SPTBN2: variants seen among roughly 807,000 people sequenced by gnomAD.
The protein encoded by SPTBN2 is spectrin beta, non-erythrocytic 2, also known as spectrin beta chain, non-erythrocytic 2.
SPTBN2 carries 107 observed loss-of-function variants against 284.2 expected under a neutral mutation model. The observed-to-expected ratio is 0.38, with a 90% confidence interval of 0.32 to 0.44. The LOEUF is 0.44. Ranked by LOEUF, SPTBN2 falls within the 20% of genes least tolerant of loss-of-function variation. The pLI, the probability that SPTBN2 is intolerant of heterozygous loss-of-function variation, is 1.00. For synonymous variants in SPTBN2, 1,289 were observed against 1,354.8 expected, an observed-to-expected ratio of 0.95 and a Z score of 1.07; for missense variants, 2,569 against 3,287.1, an observed-to-expected ratio of 0.78 and a Z score of 5.34.
At chr11:66,705,552 CCTGGCTTTAGCT>C in intron 14 of SPTBN2, 84 bp from the exon 15 acceptor site, 1 of 1,605,978 alleles carries the variant, frequency 6.2e-7, no homozygotes, top group Non-Finnish European at 8.5e-7. Context: ...GACTTCCCTC[CCTGGCTTTAGCT>C]CAGTCACCAT....
intron 17 of SPTBN2, 43 bp from the exon 18 acceptor site, chr11:66,699,651 AT>A: frequency 6.2e-7 from 1 of 1,607,890 alleles, no homozygotes; most frequent in South Asian, 1.1e-5. Flanking sequence ...CCCCAGCACA[AT>A]TCACCCCCCT....
rs1201853659 is a variant in SPTBN2 at position 66,705,286 on chromosome 11, G to A, written c.1990C>T (p.Leu664=). 1 of 1,600,842 alleles carries A rather than the reference G, an allele frequency of 6.2e-7. No individual in the cohort carries two copies. The highest frequency in any genetic ancestry group is 8.5e-7 in the Non-Finnish European group (1 of 1,177,838). The change falls in exon 15 of 38, where the codon CTG becomes TTG. Residue 664 remains leucine (L), a synonymous_variant. Coordinates refer to ENST00000533211, the MANE Select transcript of SPTBN2 (RefSeq NM_006946.4). ...EAWVREQQHL[L]ASADTGRDLT... is the part of the protein sequence containing the mutation. ...TCTCGGCCCGTGTCGGCTGAGGCCAGGAGGTGCTGCTGCTCCCGCACCCAG... is the reference window on the plus strand; with the variant it reads ...TCTCGGCCCGTGTCGGCTGAGGCCAAGAGGTGCTGCTGCTCCCGCACCCAG...
rs558713638 is a variant in SPTBN2, at chr11:66,694,253, C to T, written c.4389G>A (p.Ser1463=). The change falls in exon 22 of 38, where the codon TCG becomes TCA. Residue 1463 remains serine (S), a synonymous_variant. Transcript: ENST00000533211. ...CCCTGAACTTCTCCTCCACGGCCCT[C>T]GAGGTTCTCTCCACCTCCCCTGCAC... ...DQGAGEVERT[S]RAVEEKFRAL... is the part of the protein sequence containing the mutation. The T allele has an allele frequency of 6.2e-6, 10 of 1,614,190 alleles. No individual in the cohort carries two copies. Among genetic ancestry groups the T allele is most frequent in the Admixed American group, 3.3e-5 (2 of 60,032 alleles).
At chr11:66,722,766 G>A (rs183799325) in intron 1 of SPTBN2, among the ~76,000 whole-genome samples, 7 of 151,366 alleles carry the variant, frequency 4.6e-5, no homozygotes, top group African/African-American at 1.2e-4. Flanking sequence ...GGTAGCACAC[G>A]ACTGTAGTCC....
rs1940031964 is a variant in SPTBN2, at chr11:66,685,257, G to A, written c.*614C>T. ...AAGACACCCAGAGGCGGTGAGAGAAGCTGAGCTGTTTAATCACCTCCTTGG... is the reference window on the plus strand; with the variant it reads ...AAGACACCCAGAGGCGGTGAGAGAAACTGAGCTGTTTAATCACCTCCTTGG... On this transcript the variant is annotated 3_prime_UTR_variant, in exon 38 of 38. Coordinates refer to ENST00000533211, the MANE Select transcript of SPTBN2 (RefSeq NM_006946.4). This position sits in a 1 kb window ranked among gnomAD's most constrained non-coding sequence, Gnocchi z 4.4. The A allele has an allele frequency of 6.3e-6, 1 of 158,354 alleles. No homozygotes were observed. The highest frequency in any genetic ancestry group is 1.4e-5 in the Non-Finnish European group (1 of 71,738). The allele number at this position is 158,354 out of a possible 1,614,324, so 9.8% of individuals were successfully genotyped here.
rs1252382879 is a variant in SPTBN2 at position 66,690,042 on chromosome 11, G to T, written c.5807C>A (p.Pro1936His). The T allele has an allele frequency of 6.2e-7, 1 of 1,614,100 alleles. No homozygotes were observed. Among genetic ancestry groups the T allele is most frequent in the Non-Finnish European group, 8.5e-7 (1 of 1,180,042 alleles). The change falls in exon 28 of 38, where the codon CCC (proline) becomes CAC (histidine). Residue 1936 changes from proline (P) to histidine (H), a missense_variant. By Grantham distance (77) the Pro-to-His change is moderately conservative (BLOSUM62 -2). This residue lies in a region of SPTBN2 where 1,130 missense variants were observed against 1,317.3 expected (regional missense o/e 0.86). Coordinates refer to ENST00000533211, the MANE Select transcript of SPTBN2 (RefSeq NM_006946.4). ...VNLQMDAQER[P>H]RDVSSADLVI... Reference sequence around the variant, plus strand: ...CCCTGAGCCCTGGGATTCTCACCGGGGACGCTCCTGGGCATCCATCTGCAG... The same window carrying T: ...CCCTGAGCCCTGGGATTCTCACCGGTGACGCTCCTGGGCATCCATCTGCAG...
chr11:66,724,379 C>T (rs1942538899), intron 1 of SPTBN2, among the ~76,000 whole-genome samples: 1 of 151,842 alleles, frequency 6.6e-6, no homozygotes, highest in African/African-American at 2.4e-5. Flanking sequence ...GCCAAGATTG[C>T]GCCATTGCAC....
chr11:66,707,902 T>C lies in SPTBN2; in HGVS notation c.1351-84A>G. The C allele has an allele frequency of 6.5e-7, 1 of 1,542,940 alleles. No homozygotes were observed. Among genetic ancestry groups the C allele is most frequent in the Non-Finnish European group, 8.8e-7 (1 of 1,139,834 alleles). On this transcript the variant is annotated intron_variant, in intron 12 of 37. Transcript: ENST00000533211. The surrounding 1 kb of genome is among the most constrained non-coding windows in gnomAD (Gnocchi z 4.9). ...CCTCTGTCCTGCAGGGCACTTGGCC[T>C]GCAAGATCCCAGCTCCATGCGGTGG...
At position 66,708,911 on chromosome 11, in the gene SPTBN2, G is replaced by T. The variant is rs949462928; in HGVS notation, c.1182C>A (p.Asp394Glu). The part of the protein sequence containing the change: ...YTPREGRLIS[D>E]INKAWERLEK... ...GTGGGCAGCCACGGACCTTGTTGAT[G>T]TCCGAGATGAGCCGGCCCTCGCGGG... Residue 394 changes from aspartate (D) to glutamate (E), a missense_variant, in exon 11 of 38, where the codon GAC becomes GAA. By Grantham distance (45) the Asp-to-Glu change is conservative. Around this residue, in one of 6 missense-constraint regions of SPTBN2, gnomAD observed 304 missense variants for 522.1 expected, o/e 0.58. Transcript: ENST00000533211. This position sits in a 1 kb window ranked among gnomAD's most constrained non-coding sequence, Gnocchi z 4.4. 1 of 1,613,978 alleles carries T rather than the reference G, an allele frequency of 6.2e-7. No individual in the cohort carries two copies. Among genetic ancestry groups the T allele is most frequent in the Admixed American group, 1.7e-5 (1 of 60,030 alleles).
chr11:66,717,008 C>A (rs982592086), intron 3 of SPTBN2, among the ~76,000 whole-genome samples: 1 of 152,112 alleles, frequency 6.6e-6, no homozygotes, highest in South Asian at 2.1e-4. Flanking sequence ...GGGTTGGGGA[C>A]AGTACATTCA....
upstream of SPTBN2, among the ~76,000 whole-genome samples, chr11:66,732,511 G>T (rs918772815): frequency 1.3e-5 from 2 of 152,028 alleles, no homozygotes; most frequent in African/African-American, 4.8e-5. Flanking sequence ...TTAGCTGGGC[G>T]TGGTGGCATG....
rs1046622521 is a variant in SPTBN2, at chr11:66,715,424, G to C, written c.310-29C>G. On this transcript the variant is annotated intron_variant, in intron 4 of 37. Coordinates refer to ENST00000533211, the MANE Select transcript of SPTBN2 (RefSeq NM_006946.4). The surrounding 1 kb of genome is among the most constrained non-coding windows in gnomAD (Gnocchi z 5.3). ...TGGAGGGACGGGGGCAAAATGGCAC[G>C]GGACTGTGGGCTTCCACCTTCTTCC... 1 of 1,592,412 alleles carries C rather than the reference G, an allele frequency of 6.3e-7. No homozygotes were observed. The highest frequency in any genetic ancestry group is 1.3e-5 in the African/African-American group (1 of 74,484).
At position 66,704,851 on chromosome 11, in the gene SPTBN2, G is replaced by A. The variant is rs1941440334; in HGVS notation, c.2425C>T (p.Gln809Ter). ...HRPTLDALREQAAALPPTLSR... is the reference protein window; with the variant it reads ...HRPTLDALRE The stretch of plus-strand genomic sequence containing the variant: ...AGTGTGGGGGGCAGGGCTGCTGCCT[G>A]TTCCCTCAAGGCGTCCAGGGTTGGC... The change falls in exon 15 of 38, where the codon CAG becomes TAG. Residue 809 changes from glutamine (Q) to a stop codon, truncating the protein, a stop_gained. Coordinates refer to ENST00000533211, the MANE Select transcript of SPTBN2 (RefSeq NM_006946.4). LOFTEE classifies it high-confidence loss of function. 1 of 1,609,402 alleles carries A rather than the reference G, an allele frequency of 6.2e-7. No individual in the cohort carries two copies. Among genetic ancestry groups the A allele is most frequent in the Non-Finnish European group, 8.5e-7 (1 of 1,179,854 alleles).
chr11:66,692,669 C>T lies in SPTBN2; in HGVS notation c.5057G>A (p.Arg1686Gln), dbSNP rs751117747. The T allele has an allele frequency of 9.3e-6, 15 of 1,605,386 alleles. No individual in the cohort carries two copies. Among genetic ancestry groups the T allele is most frequent in the South Asian group, 6.6e-5 (6 of 91,090 alleles). Residue 1686 changes from arginine to glutamine, a missense_variant, in exon 26 of 38, where the codon CGG becomes CAG. By Grantham distance (43) the Arg-to-Gln change is conservative. Around this residue, in one of 6 missense-constraint regions of SPTBN2, gnomAD observed 1,130 missense variants for 1,317.3 expected, o/e 0.86. Transcript: ENST00000533211. ...GAGGTGCTCCTGCAGGCGCTCCCGC[C>T]GCTCTCCAGCCAGCTCCTTCAGGCC... Reference protein sequence around the residue: ...YAGLKELAGERRERLQEHLRL... With the variant: ...YAGLKELAGEQRERLQEHLRL...
intron 15 of SPTBN2, among the ~76,000 whole-genome samples, chr11:66,703,502 C>T (rs1941356054): frequency 6.6e-6 from 1 of 152,042 alleles, no homozygotes; most frequent in Non-Finnish European, 1.5e-5. Context: ...GGAGGCCAAG[C>T]CGGGTGGATC....
upstream of SPTBN2, among the ~76,000 whole-genome samples, chr11:66,733,451 G>A (rs886281964): frequency 2.6e-5 from 4 of 152,176 alleles, no homozygotes; most frequent in African/African-American, 9.7e-5. Flanking sequence ...AGTCAAGGAT[G>A]AGTTGTGCAA....
intron 29 of SPTBN2, chr11:66,689,493 C>T: frequency 1.9e-6 from 1 of 539,566 alleles, no homozygotes; most frequent in Non-Finnish European, 3.3e-6. Flanking sequence ...CACAGCCCAG[C>T]CACACAACCC....
rs1327822800 is a variant in SPTBN2 at position 66,722,971 on chromosome 11, A to C, written c.-113-1531T>G. Among the ~76,000 whole-genome samples the C allele has an allele frequency of 2.0e-5, 3 of 151,878 alleles. No individual in the cohort carries two copies. The East Asian group carries it at 5.8e-4, about 29-fold the overall frequency. On this transcript the variant is annotated intron_variant, in intron 1 of 37. Transcript: ENST00000533211. The stretch of plus-strand genomic sequence containing the variant: ...CCGGAAGAAACAGTGCCGGGTTTTG[A>C]AAAGTTCTTTCTGACTCTGGGGGAC...
rs1590933057 is a variant in SPTBN2, at chr11:66,699,354, T to A, written c.3776+52A>T. ...CACGTTTATCTTTGAGGTCACCCTGTTTCTCCGATTCCCCCCTGGGAACCC... is the reference window on the plus strand; with the variant it reads ...CACGTTTATCTTTGAGGTCACCCTGATTCTCCGATTCCCCCCTGGGAACCC... On this transcript the variant is annotated intron_variant, in intron 18 of 37. Transcript: ENST00000533211. 3.7e-6 allele frequency: 6 copies of A among 1,602,530 alleles called. No individual in the cohort carries two copies. In the East Asian group the frequency reaches 1.3e-4, roughly 36 times the overall value.
Sources: gnomAD v4.1 joint callset for allele counts (sites outside exome capture counted in the v4.1 genomes callset) on GRCh38, gnomAD v4.1.1 for gene constraint, gnomAD v4.1.1 regional missense constraint, Gnocchi (gnomAD v3.1) non-coding constraint, MANE v1.5 for transcripts, NCBI Gene and HGNC (gene_info 2026-07-23, HGNC 2026-07-21) for gene names.